The following SIPA1L1 variants were observed in gnomAD, a reference collection of about 807,000 sequenced individuals.
The protein encoded by SIPA1L1 is signal induced proliferation associated 1 like 1.
SIPA1L1 carries 26 observed loss-of-function variants against 162.7 expected under a neutral mutation model. The ratio of observed to expected loss-of-function variants is 0.16; its 90% CI spans 0.12 to 0.22. SIPA1L1 has a LOEUF of 0.22. Ranked by LOEUF, SIPA1L1 falls within the 10% of genes least tolerant of loss-of-function variation. SIPA1L1 has a pLI of 1.00. For missense variants in SIPA1L1, 1,874 were observed against 2,241.0 expected, an observed-to-expected ratio of 0.84 and a Z score of 3.31; for synonymous variants, 829 against 837.4, an observed-to-expected ratio of 0.99 and a Z score of 0.17.
intron 17 of SIPA1L1, among the ~76,000 whole-genome samples, chr14:71,716,342 T>G (rs2083272069): frequency 6.6e-6 from 1 of 152,210 alleles, no homozygotes; most frequent in Non-Finnish European, 1.5e-5. Context: ...TCTCCTCTCC[T>G]TGGTATTAGA....
chr14:71,635,669 C>T (rs145539289), intron 7 of SIPA1L1, among the ~76,000 whole-genome samples: 65 of 152,106 alleles, frequency 4.3e-4, no homozygotes, highest in Admixed American at 2.6e-3. Context: ...AAAGAGCACT[C>T]AAGTAATTCT....
chr14:71,437,638 A>G (rs1254448617), intron 2 of SIPA1L1, among the ~76,000 whole-genome samples: 2 of 152,208 alleles, frequency 1.3e-5, no homozygotes, highest in Non-Finnish European at 2.9e-5. Context: ...CTGGGATTCC[A>G]GGCGTAAGAC....
chr14:71,698,839 T>C (rs1198689601), intron 13 of SIPA1L1, 142 bp from the exon 14 acceptor site: 5 of 802,394 alleles, frequency 6.2e-6, no homozygotes, highest in South Asian at 2.4e-5. Flanking sequence ...AAGTTTCTTT[T>C]GTAGGCTTCC....
intron 2 of SIPA1L1, among the ~76,000 whole-genome samples, chr14:71,406,570 C>T (rs981827739): frequency 1.3e-5 from 2 of 150,796 alleles, no homozygotes; most frequent in Non-Finnish European, 3.0e-5. Context: ...GCCTCAATAA[C>T]AGTAAATTAG....
At chr14:71,399,880 C>T (rs780372279) in intron 2 of SIPA1L1, among the ~76,000 whole-genome samples, 6 of 152,080 alleles carry the variant, frequency 3.9e-5, no homozygotes, top group Non-Finnish European at 8.8e-5. Context: ...ACCATGACAC[C>T]TGGCTGATTT....
At chr14:71,401,434 T>C (rs1180780334) in intron 2 of SIPA1L1, among the ~76,000 whole-genome samples, 1 of 152,002 alleles carries the variant, frequency 6.6e-6, no homozygotes, top group Non-Finnish European at 1.5e-5. Context: ...AGCTGTCTGA[T>C]TTAATTGTAT....
chr14:71,686,140 T>A (rs1265855337), intron 13 of SIPA1L1, among the ~76,000 whole-genome samples: 1 of 152,184 alleles, frequency 6.6e-6, no homozygotes, highest in South Asian at 2.1e-4. Context: ...GAAAGAATAG[T>A]GAAGAGAAGA....
intron 4 of SIPA1L1, among the ~76,000 whole-genome samples, chr14:71,561,167 A>C (rs2056759107): frequency 6.6e-6 from 1 of 152,174 alleles, no homozygotes; most frequent in African/African-American, 2.4e-5. Flanking sequence ...ATATATATAC[A>C]TTTATATTCC....
At chr14:71,452,242 A>G (rs937769372) in intron 2 of SIPA1L1, among the ~76,000 whole-genome samples, 1 of 151,852 alleles carries the variant, frequency 6.6e-6, no homozygotes, top group Admixed American at 6.6e-5. Flanking sequence ...GTTCTGACTT[A>G]TGTCACCATA....
chr14:71,633,411 A>T lies in SIPA1L1; in HGVS notation c.1818+9175A>T, dbSNP rs2040803135. Among the ~76,000 whole-genome samples the T allele has an allele frequency of 3.3e-5, 5 of 152,204 alleles. No homozygotes were observed. The South Asian group carries it at 1.0e-3, about 32-fold the overall frequency. ...ATGGTCTCGATCTCTTGACCTCATG[A>T]TCCTCCTGCCTAGGCTTCCCAAAGT... is the stretch of plus-strand genomic sequence containing the variant. On this transcript the variant is annotated intron_variant, in intron 7 of 23. Transcript: ENST00000381232.
chr14:71,617,208 G>T (rs1253941579), intron 5 of SIPA1L1, among the ~76,000 whole-genome samples: 1 of 152,042 alleles, frequency 6.6e-6, no homozygotes, highest in Non-Finnish European at 1.5e-5. Flanking sequence ...GTTGTCAGTT[G>T]TTCTATCACA....
chr14:71,656,967 C>T (rs1237338848), intron 8 of SIPA1L1, among the ~76,000 whole-genome samples: 4 of 152,192 alleles, frequency 2.6e-5, no homozygotes, highest in Non-Finnish European at 4.4e-5. Flanking sequence ...ACTAAGTTTT[C>T]AGAACTACTG....
chr14:71,453,865 A>C (rs1220912801), intron 2 of SIPA1L1, among the ~76,000 whole-genome samples: 2 of 151,860 alleles, frequency 1.3e-5, no homozygotes, highest in African/African-American at 4.8e-5. Flanking sequence ...ATGGTGGCTC[A>C]CTCGTGTAAT....
chr14:71,373,657 CAA>C (rs34113031), intron 2 of SIPA1L1, among the ~76,000 whole-genome samples: 63 of 83,624 alleles, frequency 7.5e-4, no homozygotes, highest in Non-Finnish European at 5.8e-4. Flanking sequence ...ACTCTGTCTC[CAA>C]AAAAAAAAAA....
At chr14:71,349,857 A>C (rs911887243) in intron 2 of SIPA1L1, among the ~76,000 whole-genome samples, 9 of 152,308 alleles carry the variant, frequency 5.9e-5, no homozygotes, top group Admixed American at 5.9e-4. Context: ...AAGCAGACGC[A>C]TTAGTAAGTA....
intron 2 of SIPA1L1, among the ~76,000 whole-genome samples, chr14:71,476,853 A>AT (rs959231701): frequency 2.4e-4 from 36 of 150,156 alleles, no homozygotes; most frequent in Non-Finnish European, 3.4e-4. Context: ...AATTTTTTGT[A>AT]TTTTTTTTTA....
chr14:71,471,529 G>C (rs1460861337), intron 2 of SIPA1L1, among the ~76,000 whole-genome samples: 1 of 152,194 alleles, frequency 6.6e-6, no homozygotes, highest in Non-Finnish European at 1.5e-5. Context: ...GGGGGCTGGA[G>C]GCACATCCTC....
At chr14:71,719,731 G>A (rs1203217244) in intron 17 of SIPA1L1, among the ~76,000 whole-genome samples, 1 of 152,178 alleles carries the variant, frequency 6.6e-6, no homozygotes, top group Non-Finnish European at 1.5e-5. Context: ...GACCTCAGGT[G>A]ATCTGCCTGC....
chr14:71,690,623 C>A (rs1457323078), intron 13 of SIPA1L1, among the ~76,000 whole-genome samples: 1 of 150,474 alleles, frequency 6.6e-6, no homozygotes, highest in Non-Finnish European at 1.5e-5. Context: ...CTCCCTCCTT[C>A]TTCAAATTAC....
Sources: allele counts gnomAD v4.1 joint callset (sites outside exome capture counted in the v4.1 genomes callset), GRCh38; gene constraint gnomAD v4.1.1; transcripts MANE v1.5; gene names NCBI Gene and HGNC (gene_info 2026-07-23, HGNC 2026-07-21).